Variants in CADPS2 observed in about 807,000 individuals in gnomAD.
The protein encoded by CADPS2 is calcium-dependent secretion activator 2.
A neutral mutation model predicts 172.5 loss-of-function variants in CADPS2; 93 were observed. The observed-to-expected ratio is 0.54, with a 90% confidence interval of 0.46 to 0.64. The LOEUF is 0.64. Among genes scored for constraint, CADPS2 ranks in the 30% least tolerant of loss-of-function variants. The probability of loss-of-function intolerance (pLI) is 0.00; values close to 1 mark genes in which losing one functional copy is unlikely to be tolerated. For synonymous variants in CADPS2, 546 were observed against 555.2 expected (o/e 0.98, Z 0.23); for missense variants, 1,420 against 1,565.9 (o/e 0.91, Z 1.57).
rs553033721 is a variant in CADPS2 at position 122,628,407 on chromosome 7, G to C, written c.867+841C>G. Among the ~76,000 whole-genome samples the C allele has an allele frequency of 5.1e-4, 78 of 151,936 alleles. 1 individual carries two copies. Among genetic ancestry groups the C allele is most frequent in the Non-Finnish European group, 8.8e-4 (60 of 67,948 alleles). ...AACATTCATTAAACTGTAAAATGAA[G>C]ATGTGTGCAGTTTATTGTATACATG... On this transcript the variant is annotated intron_variant, in intron 4 of 29. Transcript: ENST00000449022.
chr7:122,806,161 A>C (rs1019543224), intron 1 of CADPS2, among the ~76,000 whole-genome samples: 3 of 152,222 alleles, frequency 2.0e-5, no homozygotes, highest in Non-Finnish European at 4.4e-5. Context: ...TTCATAAGCA[A>C]TTTACAAAAT....
intron 1 of CADPS2, among the ~76,000 whole-genome samples, chr7:122,857,152 T>C (rs1815483720): frequency 6.6e-6 from 1 of 152,120 alleles, no homozygotes; most frequent in Non-Finnish European, 1.5e-5. Context: ...AGATACAAAA[T>C]TGTTTTTATG....
At chr7:122,435,428 G>A (rs921230575) in intron 17 of CADPS2, among the ~76,000 whole-genome samples, 4 of 151,850 alleles carry the variant, frequency 2.6e-5, no homozygotes, top group South Asian at 4.2e-4. Context: ...TAATCTTCAG[G>A]GAAATGCAAA....
At chr7:122,793,841 A>G (rs1232323961) in intron 1 of CADPS2, among the ~76,000 whole-genome samples, 1 of 152,066 alleles carries the variant, frequency 6.6e-6, no homozygotes, top group Non-Finnish European at 1.5e-5. Context: ...GGACTCCCTT[A>G]GCATTTGCCT....
rs1426415531 is a variant in CADPS2 at position 122,581,284 on chromosome 7, C to A, written c.1230G>T (p.Gly410=). The part of the protein sequence containing the change: ...DQAEASRPQW[G]TQGDFTTTHP... ...GGGTGGTGGTGAAATCTCCTTGAGT[C>A]CCCCATCTGTAATGAAGTAAAAAAA... The change falls in exon 7 of 30, where the codon GGG becomes GGT. Residue 410 remains glycine, a synonymous_variant. Coordinates refer to ENST00000449022, the MANE Select transcript of CADPS2 (RefSeq NM_017954.11). 1.9e-6 allele frequency: 3 copies of A among 1,611,524 alleles called. No homozygotes were observed. Among genetic ancestry groups the A allele is most frequent in the Non-Finnish European group, 1.7e-6 (2 of 1,178,004 alleles).
chr7:122,728,753 T>C (rs960099417), intron 2 of CADPS2, among the ~76,000 whole-genome samples: 4 of 151,762 alleles, frequency 2.6e-5, no homozygotes, highest in Non-Finnish European at 4.4e-5. Context: ...TTTTGATACA[T>C]TATATTTGTA....
chr7:122,847,003 G>A (rs912258672), intron 1 of CADPS2, among the ~76,000 whole-genome samples: 1 of 152,194 alleles, frequency 6.6e-6, no homozygotes, highest in African/African-American at 2.4e-5. Flanking sequence ...GACTCCACTG[G>A]TGACTTTACA....
At chr7:122,555,058 T>C (rs1299870597) in intron 7 of CADPS2, among the ~76,000 whole-genome samples, 1 of 152,104 alleles carries the variant, frequency 6.6e-6, no homozygotes, top group African/African-American at 2.4e-5. Flanking sequence ...TCTTTGACAT[T>C]ATGGATAACA....
At chr7:122,778,307 T>C (rs2093946545) in intron 1 of CADPS2, among the ~76,000 whole-genome samples, 1 of 152,098 alleles carries the variant, frequency 6.6e-6, no homozygotes, top group Non-Finnish European at 1.5e-5. Context: ...AATCTCTAAG[T>C]AGCAAAGTGT....
chr7:122,870,755 C>G (rs1306578035), intron 1 of CADPS2, among the ~76,000 whole-genome samples: 1 of 151,916 alleles, frequency 6.6e-6, no homozygotes, highest in African/African-American at 2.4e-5. Context: ...TTATTTGTCA[C>G]CCAAAAAGAG....
At chr7:122,530,739 A>G (rs1204079951) in intron 8 of CADPS2, among the ~76,000 whole-genome samples, 1 of 152,186 alleles carries the variant, frequency 6.6e-6, no homozygotes, top group African/African-American at 2.4e-5. Context: ...CTTTGCTACA[A>G]GATTCACTTT....
chr7:122,736,228 T>C (rs975131412), intron 2 of CADPS2, among the ~76,000 whole-genome samples: 6 of 152,178 alleles, frequency 3.9e-5, no homozygotes, highest in East Asian at 3.9e-4. Context: ...TTCAGACCCA[T>C]TGTATCTCCA....
intron 7 of CADPS2, among the ~76,000 whole-genome samples, chr7:122,567,451 C>G: frequency 6.6e-6 from 1 of 152,130 alleles, no homozygotes; most frequent in Non-Finnish European, 1.5e-5. Context: ...GCAGGACACC[C>G]CTACCAGCTT....
chr7:122,778,659 T>C (rs2093955963), intron 1 of CADPS2, among the ~76,000 whole-genome samples: 1 of 152,228 alleles, frequency 6.6e-6, no homozygotes, highest in African/African-American at 2.4e-5. Flanking sequence ...GACCAAGGTA[T>C]AGCTTGGGTT....
At chr7:122,718,735 A>C (rs2089996679) in intron 2 of CADPS2, among the ~76,000 whole-genome samples, 2 of 152,122 alleles carry the variant, frequency 1.3e-5, no homozygotes, top group Non-Finnish European at 2.9e-5. Context: ...GCTGTGGTCA[A>C]GCTGAAGCGC....
intron 8 of CADPS2, among the ~76,000 whole-genome samples, chr7:122,535,391 A>AGATT (rs1186374441): frequency 2.0e-5 from 3 of 152,086 alleles, no homozygotes; most frequent in African/African-American, 7.2e-5. Context: ...TTAATGTGAT[A>AGATT]GATTCTTCAA....
intron 8 of CADPS2, among the ~76,000 whole-genome samples, chr7:122,543,548 A>C (rs1305363684): frequency 1.3e-5 from 2 of 152,098 alleles, no homozygotes; most frequent in Non-Finnish European, 2.9e-5. Flanking sequence ...GCTTGGTCAA[A>C]TAATGGTGAA....
chr7:122,331,631 T>G (rs1207746699), intron 28 of CADPS2, among the ~76,000 whole-genome samples: 1 of 150,848 alleles, frequency 6.6e-6, no homozygotes, highest in Non-Finnish European at 1.5e-5. Flanking sequence ...ACAAGGAGAC[T>G]CTGTCTCAAA....
intron 5 of CADPS2, among the ~76,000 whole-genome samples, chr7:122,617,885 T>C (rs1429302591): frequency 1.3e-5 from 2 of 151,976 alleles, no homozygotes; most frequent in East Asian, 1.9e-4. Flanking sequence ...CTACTAAAAA[T>C]ACAAAAAATT....
Sources: allele counts gnomAD v4.1 joint callset (sites outside exome capture counted in the v4.1 genomes callset), GRCh38; gene constraint gnomAD v4.1.1; transcripts MANE v1.5; gene names NCBI Gene and HGNC (gene_info 2026-07-23, HGNC 2026-07-21).